The following TAFA1 variants were observed in gnomAD, a reference collection of about 807,000 sequenced individuals.
TAFA1 encodes the protein TAFA chemokine like family member 1.
TAFA1 carries 4 observed loss-of-function variants against 18.5 expected under a neutral mutation model. That is an observed-to-expected ratio of 0.22 (90% CI 0.11 to 0.49). The LOEUF is 0.49. Among genes scored for constraint, TAFA1 ranks in the 20% least tolerant of loss-of-function variants. The pLI is 0.98. For missense variants in TAFA1, 147 were observed against 169.0 expected, an observed-to-expected ratio of 0.87 and a Z score of 0.72; for synonymous variants, 56 against 55.2, an observed-to-expected ratio of 1.01 and a Z score of -0.06.
intron 3 of TAFA1, among the ~76,000 whole-genome samples, chr3:68,502,428 G>T (rs766088553): frequency 7.9e-5 from 12 of 152,122 alleles, no homozygotes; most frequent in African/African-American, 2.4e-4. Flanking sequence ...ACTATTTTGG[G>T]CATTAATATC....
chr3:68,369,409 G>C (rs1033068741), intron 2 of TAFA1, among the ~76,000 whole-genome samples: 1 of 152,254 alleles, frequency 6.6e-6, no homozygotes. Flanking sequence ...ATTTACTAAA[G>C]TGAATTTTCA....
At chr3:68,186,469 C>A (rs1196915179) in intron 2 of TAFA1, among the ~76,000 whole-genome samples, 1 of 152,024 alleles carries the variant, frequency 6.6e-6, no homozygotes. Context: ...TTGAATGAAA[C>A]CTATGTTTTA....
chr3:68,172,323 AG>A (rs2066065999), intron 2 of TAFA1, among the ~76,000 whole-genome samples: 1 of 152,164 alleles, frequency 6.6e-6, no homozygotes, highest in Non-Finnish European at 1.5e-5. Context: ...CCTTAGGGAA[AG>A]GCAAATCAAA....
chr3:68,174,737 G>A (rs558509789), intron 2 of TAFA1, among the ~76,000 whole-genome samples: 1 of 152,308 alleles, frequency 6.6e-6, no homozygotes. Context: ...CTAACAATGC[G>A]ATAGAAAAGA....
chr3:68,132,470 T>C (rs1243120068), intron 2 of TAFA1, among the ~76,000 whole-genome samples: 2 of 152,206 alleles, frequency 1.3e-5, no homozygotes, highest in Non-Finnish European at 2.9e-5. Context: ...TCCACAATGG[T>C]TGAACTAATT....
intron 2 of TAFA1, among the ~76,000 whole-genome samples, chr3:68,051,196 G>T (rs1206003718): frequency 3.3e-5 from 5 of 152,132 alleles, no homozygotes; most frequent in Admixed American, 6.6e-5. Flanking sequence ...TAGGCTTAGA[G>T]TATGTGGATT....
chr3:68,260,546 A>G (rs2067395748), intron 2 of TAFA1, among the ~76,000 whole-genome samples: 1 of 152,194 alleles, frequency 6.6e-6, no homozygotes, highest in East Asian at 1.9e-4. Context: ...TAACCAAAAC[A>G]GCATGGTACT....
chr3:67,998,873 A>G, the TAFA1 span, among the ~76,000 whole-genome samples: 2 of 152,158 alleles, frequency 1.3e-5, no homozygotes, highest in East Asian at 3.9e-4. Flanking sequence ...TATTTACTCC[A>G]GTTTGAATTT....
chr3:68,417,640 G>A (rs778598744), intron 3 of TAFA1: 5 of 531,212 alleles, frequency 9.4e-6, no homozygotes, highest in Non-Finnish European at 1.7e-5. Flanking sequence ...AAATTTGCTT[G>A]CCATTGCAGC....
At chr3:68,018,381 G>T (rs1270130121) in intron 2 of TAFA1, among the ~76,000 whole-genome samples, 3 of 152,186 alleles carry the variant, frequency 2.0e-5, no homozygotes, top group Non-Finnish European at 4.4e-5. Context: ...CATAACTGTT[G>T]ATTTCAAACA....
intron 2 of TAFA1, among the ~76,000 whole-genome samples, chr3:68,365,054 T>C (rs1381370479): frequency 5.3e-5 from 8 of 152,296 alleles, no homozygotes; most frequent in African/African-American, 7.2e-5. Context: ...GACTCGTTTA[T>C]TGGAGTGGGG....
At chr3:68,094,696 C>T (rs2065067136) in intron 2 of TAFA1, among the ~76,000 whole-genome samples, 1 of 152,024 alleles carries the variant, frequency 6.6e-6, no homozygotes, top group Non-Finnish European at 1.5e-5. Context: ...GTTATTTAAC[C>T]CCCATGAGCC....
At chr3:68,257,490 C>A (rs527476842) in intron 2 of TAFA1, among the ~76,000 whole-genome samples, 1 of 150,382 alleles carries the variant, frequency 6.6e-6, no homozygotes, top group Non-Finnish European at 1.5e-5. Context: ...GTGGTTGGTG[C>A]TTAATTAATA....
intron 2 of TAFA1, among the ~76,000 whole-genome samples, chr3:68,289,625 G>C (rs1195089523): frequency 1.3e-5 from 2 of 148,618 alleles, no homozygotes; most frequent in Non-Finnish European, 3.0e-5. Flanking sequence ...CACTACTCCT[G>C]GTGAGAAATG....
chr3:68,476,316 T>G (rs2072096135), intron 3 of TAFA1, among the ~76,000 whole-genome samples: 1 of 152,216 alleles, frequency 6.6e-6, no homozygotes, highest in Non-Finnish European at 1.5e-5. Flanking sequence ...ATAGCCACAG[T>G]CTTCAGAAAC....
At chr3:68,481,951 C>T (rs957899591) in intron 3 of TAFA1, among the ~76,000 whole-genome samples, 2 of 152,208 alleles carry the variant, frequency 1.3e-5, no homozygotes, top group South Asian at 4.1e-4. Context: ...TCCCAAGACA[C>T]AACTTTTACA....
Position 68,319,260 on chromosome 3 carries a change from C to T in TAFA1, c.119-98020C>T, listed in dbSNP as rs140707676. ...TACTTCAAACAAAATAGAGAACAGT[C>T]ACAACCAAGGATAATGTGAGTGAGA... On this transcript the variant is annotated intron_variant, in intron 2 of 4. Transcript: ENST00000478136. Among the ~76,000 whole-genome samples the T allele has an allele frequency of 2.5e-3, 381 of 152,320 alleles. 3 individuals are homozygous for T. Among genetic ancestry groups the T allele is most frequent in the Non-Finnish European group, 8.5e-4 (58 of 68,036 alleles).
At chr3:68,053,430 A>G (rs2064496548) in intron 2 of TAFA1, among the ~76,000 whole-genome samples, 3 of 152,228 alleles carry the variant, frequency 2.0e-5, no homozygotes, top group Admixed American at 2.0e-4. Context: ...GTAGAGTCTG[A>G]TGGTACTTTT....
At chr3:68,509,106 A>G (rs1395555608) in intron 3 of TAFA1, among the ~76,000 whole-genome samples, 1 of 152,118 alleles carries the variant, frequency 6.6e-6, no homozygotes, top group Non-Finnish European at 1.5e-5. Flanking sequence ...ATAAGGAAGG[A>G]AAATTAATAT....
Sources: gnomAD v4.1 joint callset for allele counts (sites outside exome capture counted in the v4.1 genomes callset) on GRCh38, gnomAD v4.1.1 for gene constraint, MANE v1.5 for transcripts, NCBI Gene and HGNC (gene_info 2026-07-23, HGNC 2026-07-21) for gene names.